The following RAB11FIP3 variants were observed in gnomAD, a reference collection of about 807,000 sequenced individuals.
The protein encoded by RAB11FIP3 is rab11 family-interacting protein 3.
RAB11FIP3 carries 17 observed loss-of-function variants against 77.8 expected under a neutral mutation model. That is an observed-to-expected ratio of 0.22 (90% CI 0.15 to 0.33). RAB11FIP3 has a LOEUF of 0.33. RAB11FIP3 is among the 10% of genes least tolerant of loss of function. RAB11FIP3 has a pLI of 1.00. For synonymous variants in RAB11FIP3, 437 were observed against 448.2 expected, an observed-to-expected ratio of 0.98 and a Z score of 0.31; for missense variants, 1,005 against 1,011.2, an observed-to-expected ratio of 0.99 and a Z score of 0.08.
Position 519,867 on chromosome 16 carries a change from G to C in RAB11FIP3, c.1836G>C (p.Gln612His). ...TGAGTCACGAGAGGCACCAGTTCCA[G>C]AGGGACAAGGAGGCCACCCAGGAGG... is the stretch of plus-strand genomic sequence containing the variant. ...DRLSHERHQF[Q>H]RDKEATQELI... is the part of the protein sequence containing the mutation. Residue 612 changes from glutamine (Q) to histidine (H), a missense_variant, in exon 11 of 14, where the codon CAG becomes CAC. This residue lies in a region of RAB11FIP3 where 433 missense variants were observed against 436.1 expected (regional missense o/e 0.99). Transcript: ENST00000262305. 1 of 1,593,236 alleles carries C rather than the reference G, an allele frequency of 6.3e-7. No individual in the cohort carries two copies. Among genetic ancestry groups the C allele is most frequent in the Non-Finnish European group, 8.5e-7 (1 of 1,170,012 alleles).
chr16:455,591 TTTG>T (rs766474975), intron 1 of RAB11FIP3, among the ~76,000 whole-genome samples: 46 of 152,068 alleles, frequency 3.0e-4, no homozygotes, highest in African/African-American at 9.4e-4. Flanking sequence ...TGTCACTGTT[TTTG>T]TTGTTGTTGT....
intron 2 of RAB11FIP3, among the ~76,000 whole-genome samples, chr16:464,413 C>A (rs1030422374): frequency 6.6e-6 from 1 of 152,186 alleles, no homozygotes; most frequent in Non-Finnish European, 1.5e-5. Flanking sequence ...ACATACTGTG[C>A]CTTGAGGCTT....
intron 1 of RAB11FIP3, among the ~76,000 whole-genome samples, chr16:432,769 T>G (rs978997788): frequency 6.6e-6 from 1 of 150,844 alleles, no homozygotes; most frequent in Non-Finnish European, 1.5e-5. Flanking sequence ...CCACTCCGGC[T>G]AAATTTTTGT....
At chr16:439,850 C>CTT (rs879539160) in intron 1 of RAB11FIP3, among the ~76,000 whole-genome samples, 2 of 146,362 alleles carry the variant, frequency 1.4e-5, no homozygotes, top group South Asian at 4.4e-4. Context: ...CAGTTGCATT[C>CTT]TTTTTTTTTT....
In RAB11FIP3 at chr16:472,196, G is replaced by C. The variant is rs192033607; in HGVS notation, c.903+807G>C. On this transcript the variant is annotated intron_variant, in intron 3 of 13. Coordinates refer to ENST00000262305, the MANE Select transcript of RAB11FIP3 (RefSeq NM_014700.4). This position sits in a 1 kb window ranked among gnomAD's most constrained non-coding sequence, Gnocchi z 4.1. ...AGTTGCTTTTGGACGCCACTGTACC[G>C]TGGGAGCCATGGTATTATACTCAGT... Among the ~76,000 whole-genome samples the C allele has an allele frequency of 6.6e-6, 1 of 152,222 alleles. No homozygotes were observed. The highest frequency in any genetic ancestry group is 1.9e-4 in the East Asian group (1 of 5,192).
rs376765809 is a variant in RAB11FIP3 at position 500,721 on chromosome 16, A to G, written c.1302-2283A>G. Among the ~76,000 whole-genome samples, 114 of 150,438 alleles carry G rather than the reference A, an allele frequency of 7.6e-4. 2 individuals carry two copies. The highest frequency in any genetic ancestry group is 2.5e-3 in the African/African-American group (104 of 40,846). On this transcript the variant is annotated intron_variant, in intron 6 of 13. Coordinates refer to ENST00000262305, the MANE Select transcript of RAB11FIP3 (RefSeq NM_014700.4). The stretch of plus-strand genomic sequence containing the variant: ...AAAAAAAAAAAAAAAAAAAAATTAA[A>G]TAAGTAAATAAATAAGCAGCCGCAT...
chr16:457,748 T>C (rs2055526986), intron 1 of RAB11FIP3, among the ~76,000 whole-genome samples: 2 of 152,348 alleles, frequency 1.3e-5, no homozygotes, highest in South Asian at 2.1e-4. Flanking sequence ...TGGTTAATGT[T>C]TCAGAATAAA....
intron 1 of RAB11FIP3, among the ~76,000 whole-genome samples, chr16:429,409 C>T (rs2055000564): frequency 6.6e-6 from 1 of 152,152 alleles, no homozygotes; most frequent in East Asian, 1.9e-4. Flanking sequence ...TTTGTACTTT[C>T]TACCTTGAGA....
At chr16:512,606 C>T (rs1337531472) in intron 9 of RAB11FIP3, among the ~76,000 whole-genome samples, 2 of 136,816 alleles carry the variant, frequency 1.5e-5, no homozygotes, top group East Asian at 2.2e-4. Flanking sequence ...TGCAGTGGGG[C>T]GATCTTGGCT....
chr16:427,957 C>A (rs1444322621), intron 1 of RAB11FIP3, among the ~76,000 whole-genome samples: 4 of 151,996 alleles, frequency 2.6e-5, no homozygotes, highest in Non-Finnish European at 5.9e-5. Flanking sequence ...AAAAATTAGT[C>A]GGGCGTGGTG....
At chr16:446,192 C>CAAAAAA (rs2055314234) in intron 1 of RAB11FIP3, among the ~76,000 whole-genome samples, 2 of 152,010 alleles carry the variant, frequency 1.3e-5, no homozygotes, top group African/African-American at 4.8e-5. Context: ...TGCAGTGAGC[C>CAAAAAA]ATGATCACTC....
At chr16:435,863 A>G (rs1005712237) in intron 1 of RAB11FIP3, among the ~76,000 whole-genome samples, 2 of 152,228 alleles carry the variant, frequency 1.3e-5, no homozygotes, top group African/African-American at 4.8e-5. Context: ...ACATCTAAAG[A>G]AACTTGGATT....
intron 8 of RAB11FIP3, among the ~76,000 whole-genome samples, chr16:510,238 G>T (rs905544495): frequency 6.6e-6 from 1 of 151,544 alleles, no homozygotes; most frequent in African/African-American, 2.4e-5. Flanking sequence ...GCACCTCCAC[G>T]CCCCGTCCCG....
At chr16:499,404 C>T (rs8050725) in intron 6 of RAB11FIP3, among the ~76,000 whole-genome samples, 2,402 of 152,330 alleles carry the variant, frequency 0.016, 68 homozygotes, top group African/African-American at 0.055. Context: ...CCTCCCGTGC[C>T]TAGGATGGGG....
rs766054286 is a variant in RAB11FIP3 at position 426,735 on chromosome 16, G to C, written c.714+15G>C. ...GGGCAGAGCAGGTACGGAGCGGCCC[G>C]GGCCGGGGCGTGGGAACTGGGCAGG... is the stretch of plus-strand genomic sequence containing the variant. On this transcript the variant is annotated intron_variant, in intron 1 of 13. Transcript: ENST00000262305. This position sits in a 1 kb window ranked among gnomAD's most constrained non-coding sequence, Gnocchi z 5.0. 6.8e-7 allele frequency: 1 copy of C among 1,467,724 alleles called. No individual in the cohort carries two copies. Among genetic ancestry groups the C allele is most frequent in the Admixed American group, 2.4e-5 (1 of 41,134 alleles). The allele number at this position is 1,467,724 out of a possible 1,614,324, so 90.9% of individuals were successfully genotyped here. A position where few individuals can be genotyped will look rare whatever the true frequency, so the allele number is the denominator to read the frequency against.
rs556853504 is a variant in RAB11FIP3, at chr16:461,007, C to T, written c.715-397C>T. 6.0e-5 allele frequency among the ~76,000 whole-genome samples: 9 copies of T among 150,676 alleles called. No homozygotes were observed. Among genetic ancestry groups the T allele is most frequent in the African/African-American group, 2.0e-4 (8 of 40,002 alleles). ...GCATGTGGTGAAAAAGCCAAGCTCG[C>T]GATACAGCCTAATCCCGATTCCCTA... is the stretch of plus-strand genomic sequence containing the variant. On this transcript the variant is annotated intron_variant, in intron 1 of 13. Transcript: ENST00000262305. The surrounding 1 kb of genome is among the most constrained non-coding windows in gnomAD (Gnocchi z 4.5).
chr16:501,430 C>T (rs997662346), intron 6 of RAB11FIP3, among the ~76,000 whole-genome samples: 1 of 151,014 alleles, frequency 6.6e-6, no homozygotes, highest in African/African-American at 2.4e-5. Context: ...GAGGGTCCCC[C>T]CATTTCATAG....
intron 9 of RAB11FIP3, among the ~76,000 whole-genome samples, chr16:516,648 A>C (rs931892455): frequency 4.6e-5 from 7 of 152,014 alleles, no homozygotes; most frequent in African/African-American, 1.2e-4. Flanking sequence ...AGGCCGAGGC[A>C]GGTGGATCAT....
At chr16:492,394 C>CCCGGGAGACCCGAGGCCGTCCAGAGCCTT in intron 5 of RAB11FIP3, among the ~76,000 whole-genome samples, 1 of 32,120 alleles carries the variant, frequency 3.1e-5, no homozygotes, top group African/African-American at 1.3e-4. Context: ...CCAGAGCCCT[C>CCCGGGAGACCCGAGGCCGTCCAGAGCCTT]CCCGGGAGAC....
Sources: gnomAD v4.1 joint callset for allele counts (sites outside exome capture counted in the v4.1 genomes callset) on GRCh38, gnomAD v4.1.1 for gene constraint, gnomAD v4.1.1 regional missense constraint, Gnocchi (gnomAD v3.1) non-coding constraint, MANE v1.5 for transcripts, NCBI Gene and HGNC (gene_info 2026-07-23, HGNC 2026-07-21) for gene names.